VIPR2: variants seen among roughly 807,000 people sequenced by gnomAD.
VIPR2 encodes the protein vasoactive intestinal peptide receptor 2.
A neutral mutation model predicts 58.0 loss-of-function variants in VIPR2; 48 were observed. The observed-to-expected ratio is 0.83, with a 90% confidence interval of 0.66 to 1.05. The LOEUF is 1.05. Among genes scored for constraint, VIPR2 ranks in the 50% least tolerant of loss-of-function variants. VIPR2 has a pLI of 0.00. For synonymous variants in VIPR2, 243 were observed against 235.2 expected, an observed-to-expected ratio of 1.03 and a Z score of -0.30; for missense variants, 534 against 558.0, an observed-to-expected ratio of 0.96 and a Z score of 0.43.
At chr7:159,115,068 C>G (rs957095303) in intron 2 of VIPR2, among the ~76,000 whole-genome samples, 4 of 152,220 alleles carry the variant, frequency 2.6e-5, no homozygotes, top group African/African-American at 9.6e-5. Flanking sequence ...ATGGCAACCA[C>G]TAGCCTCACA....
intron 5 of VIPR2, among the ~76,000 whole-genome samples, chr7:159,045,185 A>G (rs913391183): frequency 1.3e-5 from 2 of 152,228 alleles, no homozygotes; most frequent in African/African-American, 4.8e-5. Flanking sequence ...AGAGAGCCCA[A>G]GAGCCTAAGA....
At position 159,063,418 on chromosome 7, in the gene VIPR2, G is replaced by A. The variant is rs1449572472; in HGVS notation, c.358-4840C>T. ...CTCACTGCCCGGGGCCGGCAGCGCC[G>A]GCCGGCCGCTCCAAGTGCGGGGCCT... On this transcript the variant is annotated intron_variant, in intron 4 of 12. Transcript: ENST00000262178. 3.3e-5 allele frequency among the ~76,000 whole-genome samples: 5 copies of A among 152,034 alleles called. No homozygotes were observed. In the East Asian group the frequency reaches 7.8e-4, roughly 24 times the overall value.
chr7:159,031,772 C>A lies in VIPR2; in HGVS notation c.1143+56G>T. ...GGGGCTGCGGCACCAGGCTGGGCAG[C>A]ATCTCAGGAAGCAAGTGAGTACCTG... On this transcript the variant is annotated intron_variant, in intron 12 of 12. Coordinates refer to ENST00000262178, the MANE Select transcript of VIPR2 (RefSeq NM_003382.5). The surrounding 1 kb of genome is among the most constrained non-coding windows in gnomAD (Gnocchi z 4.0). 3 of 1,612,828 alleles carry A rather than the reference C, an allele frequency of 1.9e-6. No homozygotes were observed. The highest frequency in any genetic ancestry group is 2.5e-6 in the Non-Finnish European group (3 of 1,179,872).
intron 2 of VIPR2, among the ~76,000 whole-genome samples, chr7:159,119,349 T>C (rs1796365391): frequency 6.6e-6 from 1 of 152,132 alleles, no homozygotes; most frequent in South Asian, 2.1e-4. Context: ...CACCGCAAGG[T>C]AGAGCTGGGT....
chr7:159,082,490 G>A (rs569608348), intron 4 of VIPR2, among the ~76,000 whole-genome samples: 1 of 152,266 alleles, frequency 6.6e-6, no homozygotes, highest in East Asian at 1.9e-4. Context: ...GTGGGGGAGG[G>A]ATAGCATTAG....
At chr7:159,109,246 T>C (rs1795893832) in intron 3 of VIPR2, among the ~76,000 whole-genome samples, 2 of 152,236 alleles carry the variant, frequency 1.3e-5, no homozygotes, top group South Asian at 2.1e-4. Context: ...CCAAGAGATA[T>C]TGGCAGCACC....
At chr7:159,119,678 G>C (rs1796381054) in intron 2 of VIPR2, among the ~76,000 whole-genome samples, 1 of 152,256 alleles carries the variant, frequency 6.6e-6, no homozygotes, top group South Asian at 2.1e-4. Flanking sequence ...TGGGTGCCCA[G>C]CCATGCCCTA....
intron 2 of VIPR2, among the ~76,000 whole-genome samples, chr7:159,121,230 C>T (rs1320995497): frequency 6.8e-6 from 1 of 147,394 alleles, no homozygotes; most frequent in Non-Finnish European, 1.5e-5. Flanking sequence ...CCTTCCTCGT[C>T]GTGCGGGGCA....
intron 4 of VIPR2, among the ~76,000 whole-genome samples, chr7:159,078,050 TC>T (rs1431452795): frequency 6.6e-6 from 1 of 152,266 alleles, no homozygotes; most frequent in Non-Finnish European, 1.5e-5. Context: ...CTGCCACAGT[TC>T]ATGCATGGAC....
chr7:159,142,561 A>G lies in VIPR2; in HGVS notation c.52-16T>C. ...TGCTGTTCACCTGTTCACGGTTAAA[A>G]GAAATATTAATAACTAAAAATTCCA... On this transcript the variant is annotated splice_polypyrimidine_tract_variant and intron_variant, in intron 1 of 12. Transcript: ENST00000262178. 1 of 1,578,108 alleles carries G rather than the reference A, an allele frequency of 6.3e-7. No homozygotes were observed. Among genetic ancestry groups the G allele is most frequent in the Non-Finnish European group, 8.7e-7 (1 of 1,154,010 alleles).
In VIPR2 at chr7:159,144,443, A is replaced by C. The variant is rs576634084; in HGVS notation, c.51+278T>G. 3,136 of 1,546,836 alleles carry C rather than the reference A, an allele frequency of 2.0e-3. 6 individuals carry two copies. Among genetic ancestry groups the C allele is most frequent in the Non-Finnish European group, 2.6e-3 (2,953 of 1,144,896 alleles). On this transcript the variant is annotated intron_variant, in intron 1 of 12. Coordinates refer to ENST00000262178, the MANE Select transcript of VIPR2 (RefSeq NM_003382.5). The stretch of plus-strand genomic sequence containing the variant: ...GCTCATCGTTGACGCGTCCAGGAAG[A>C]AACGATCCCGTTTCCAGCAAACCCC...
intron 10 of VIPR2, among the ~76,000 whole-genome samples, chr7:159,032,853 C>A (rs1253348262): frequency 6.6e-6 from 1 of 152,080 alleles, no homozygotes; most frequent in Non-Finnish European, 1.5e-5. Flanking sequence ...CACAGGAAAT[C>A]CAAGTTCAAC....
At chr7:159,042,200 C>T (rs961293412) in intron 6 of VIPR2, among the ~76,000 whole-genome samples, 5 of 152,138 alleles carry the variant, frequency 3.3e-5, no homozygotes, top group South Asian at 2.1e-4. Context: ...GACCTATCTG[C>T]GTGGAATGCG....
At chr7:159,040,293 C>T (rs906408364) in intron 6 of VIPR2, among the ~76,000 whole-genome samples, 2 of 152,240 alleles carry the variant, frequency 1.3e-5, no homozygotes, top group Admixed American at 1.3e-4. Context: ...CCCACCAAGG[C>T]CCGGTGCCCA....
At chr7:159,061,652 CAA>C (rs35646553) in intron 4 of VIPR2, among the ~76,000 whole-genome samples, 6 of 143,228 alleles carry the variant, frequency 4.2e-5, no homozygotes, top group African/African-American at 2.6e-5. Context: ...GGACCTGTCG[CAA>C]AAAAAAAAGT....
At chr7:159,065,754 C>G (rs1240447259) in intron 4 of VIPR2, among the ~76,000 whole-genome samples, 4 of 152,230 alleles carry the variant, frequency 2.6e-5, no homozygotes, top group Admixed American at 6.5e-5. Flanking sequence ...CTCCTCCGGT[C>G]TCAGAAACCC....
chr7:159,032,563 G>C (rs1435159408), intron 10 of VIPR2, among the ~76,000 whole-genome samples: 1 of 152,220 alleles, frequency 6.6e-6, no homozygotes, highest in Non-Finnish European at 1.5e-5. Flanking sequence ...AGCGGCAGAG[G>C]ACCTGCCTGA....
chr7:159,121,355 C>G (rs995424567), intron 2 of VIPR2, among the ~76,000 whole-genome samples: 2 of 152,126 alleles, frequency 1.3e-5, no homozygotes, highest in East Asian at 3.9e-4. Context: ...GGGGGAGAGA[C>G]ATGACATTCC....
intron 6 of VIPR2, among the ~76,000 whole-genome samples, chr7:159,041,456 T>C (rs1248595051): frequency 6.7e-6 from 1 of 149,028 alleles, no homozygotes; most frequent in Non-Finnish European, 1.5e-5. Context: ...TAACGGTCTG[T>C]CAAGGGTCTG....
Sources: allele counts gnomAD v4.1 joint callset (sites outside exome capture counted in the v4.1 genomes callset), GRCh38; gene constraint gnomAD v4.1.1; non-coding constraint Gnocchi (gnomAD v3.1); transcripts MANE v1.5; gene names NCBI Gene and HGNC (gene_info 2026-07-23, HGNC 2026-07-21).